PLEKHA5: variants seen among roughly 807,000 people sequenced by gnomAD.
PLEKHA5 encodes the protein pleckstrin homology domain-containing family A member 5.
Under a neutral mutation model 181.9 loss-of-function variants are expected in PLEKHA5, and 55 were observed. The ratio of observed to expected loss-of-function variants is 0.30; its 90% CI spans 0.24 to 0.38. The LOEUF is 0.38. Ranked by LOEUF, PLEKHA5 falls within the 10% of genes least tolerant of loss-of-function variation. PLEKHA5 has a pLI of 1.00. For synonymous variants in PLEKHA5, 535 were observed against 529.4 expected (o/e 1.01, Z -0.15); for missense variants, 1,432 against 1,549.5 (o/e 0.92, Z 1.27).
chr12:19,290,497 C>G (rs1368261057), intron 13 of PLEKHA5, among the ~76,000 whole-genome samples, 180 bp from the exon 14 acceptor site: 2 of 151,982 alleles, frequency 1.3e-5, no homozygotes, highest in Non-Finnish European at 2.9e-5. Context: ...AACACTGTTC[C>G]TTCTATTTCT....
intron 3 of PLEKHA5, among the ~76,000 whole-genome samples, chr12:19,159,604 C>T (rs1405191953): frequency 6.6e-6 from 1 of 151,888 alleles, no homozygotes; most frequent in Non-Finnish European, 1.5e-5. Flanking sequence ...TCACTTAGTT[C>T]CAAAATAATA....
intron 3 of PLEKHA5, among the ~76,000 whole-genome samples, chr12:19,176,875 T>C (rs1296624573): frequency 6.6e-6 from 1 of 152,110 alleles, no homozygotes; most frequent in Admixed American, 6.5e-5. Flanking sequence ...TTTATCTTTT[T>C]TTCTTTTGAG....
At position 19,204,333 on chromosome 12, in the gene PLEKHA5, A is replaced by G. The variant is rs116602400; in HGVS notation, c.228-49607A>G. Among the ~76,000 whole-genome samples the G allele has an allele frequency of 3.7e-3, 566 of 152,218 alleles. 4 individuals are homozygous for G. Among genetic ancestry groups the G allele is most frequent in the East Asian group, 0.026 (137 of 5,182 alleles). On this transcript the variant is annotated intron_variant, in intron 3 of 31. Transcript: ENST00000429027. The stretch of plus-strand genomic sequence containing the variant: ...GAGCTTGGTGCATGTCAAGTGTTCA[A>G]ACACTTCCTATTTTTGCTCATCTAC...
chr12:19,180,553 GTTA>G (rs1355300572), intron 3 of PLEKHA5, among the ~76,000 whole-genome samples: 5 of 152,158 alleles, frequency 3.3e-5, no homozygotes, highest in African/African-American at 1.2e-4. Flanking sequence ...AAGGCACCTT[GTTA>G]TTATTTTTGA....
intron 25 of PLEKHA5, among the ~76,000 whole-genome samples, chr12:19,351,450 A>C (rs956297175): frequency 6.6e-6 from 1 of 152,178 alleles, no homozygotes; most frequent in African/African-American, 2.4e-5. Context: ...CATATAAATG[A>C]GGAGGAAGTT....
chr12:19,302,066 T>G (rs544097163), intron 15 of PLEKHA5, among the ~76,000 whole-genome samples: 12 of 152,218 alleles, frequency 7.9e-5, no homozygotes, highest in Non-Finnish European at 1.6e-4. Context: ...CTTATTGATG[T>G]AGACACAGAA....
chr12:19,246,664 A>G (rs895261683), intron 3 of PLEKHA5, among the ~76,000 whole-genome samples: 33 of 151,134 alleles, frequency 2.2e-4, no homozygotes, highest in Non-Finnish European at 4.1e-4. Context: ...ATTCATTTCT[A>G]TAAAAATCAA....
chr12:19,239,025 T>G (rs917505476), intron 3 of PLEKHA5, among the ~76,000 whole-genome samples: 2 of 152,158 alleles, frequency 1.3e-5, no homozygotes, highest in African/African-American at 4.8e-5. Flanking sequence ...CCTAGTAAAC[T>G]CAGATGGAAT....
At chr12:19,244,695 C>G (rs1025298154) in intron 3 of PLEKHA5, among the ~76,000 whole-genome samples, 1 of 152,136 alleles carries the variant, frequency 6.6e-6, no homozygotes, top group Non-Finnish European at 1.5e-5. Context: ...TAGTAAGAAA[C>G]AACTGAAATC....
At chr12:19,324,514 C>G (rs2091646266) in intron 20 of PLEKHA5, among the ~76,000 whole-genome samples, 2 of 152,114 alleles carry the variant, frequency 1.3e-5, no homozygotes, top group South Asian at 4.1e-4. Context: ...ATACCTAAAA[C>G]TCAAATCCAG....
rs1311419884 is a variant in PLEKHA5, at chr12:19,374,430, C to T, written c.*12-1101C>T. ...ATCCCAACACTTTGTGAGGCCGAGGCGGGCGGAACACAAGGTCAGGAGATC... is the reference window on the plus strand; with the variant it reads ...ATCCCAACACTTTGTGAGGCCGAGGTGGGCGGAACACAAGGTCAGGAGATC... On this transcript the variant is annotated intron_variant, in intron 31 of 31. Transcript: ENST00000429027. Among the ~76,000 whole-genome samples the T allele has an allele frequency of 5.9e-5, 9 of 151,994 alleles. No homozygotes were observed. In the East Asian group the frequency reaches 7.7e-4, roughly 13 times the overall value.
chr12:19,179,390 C>T (rs951578388), intron 3 of PLEKHA5, among the ~76,000 whole-genome samples: 1 of 152,206 alleles, frequency 6.6e-6, no homozygotes, highest in Non-Finnish European at 1.5e-5. Flanking sequence ...GGCGTGGTGG[C>T]TCACACCTGT....
chr12:19,343,483 C>A, intron 22 of PLEKHA5, 49 bp downstream of exon 22: 2 of 1,030,216 alleles, frequency 1.9e-6, no homozygotes, highest in South Asian at 1.3e-5. Context: ...GTATTACAGT[C>A]ATGTGTCGCT....
intron 8 of PLEKHA5, 60 bp downstream of exon 8, chr12:19,265,910 A>G: frequency 1.2e-6 from 1 of 832,110 alleles, no homozygotes; most frequent in Non-Finnish European, 2.0e-6. Context: ...TAAAATGGAT[A>G]TTGAGCCATA....
chr12:19,323,016 A>ATTTTTTTTTTT (rs538132540), intron 20 of PLEKHA5, among the ~76,000 whole-genome samples: 1 of 92,764 alleles, frequency 1.1e-5, no homozygotes, highest in African/African-American at 4.3e-5. Flanking sequence ...ACCTGGCTAG[A>ATTTTTTTTTTT]TTTTTTTTTT....
chr12:19,239,513 A>G (rs2152438276), intron 3 of PLEKHA5, among the ~76,000 whole-genome samples: 1 of 152,286 alleles, frequency 6.6e-6, no homozygotes, highest in South Asian at 2.1e-4. Flanking sequence ...ACTAAACTGA[A>G]CCTAAATTAG....
intron 8 of PLEKHA5, among the ~76,000 whole-genome samples, chr12:19,269,517 T>A (rs2071863450): frequency 6.6e-6 from 1 of 151,752 alleles, no homozygotes; most frequent in South Asian, 2.1e-4. Flanking sequence ...TCTTTTTTTT[T>A]TTTATTTTTA....
intron 3 of PLEKHA5, among the ~76,000 whole-genome samples, chr12:19,179,428 A>G (rs527636519): frequency 2.6e-5 from 4 of 152,292 alleles, no homozygotes; most frequent in Non-Finnish European, 5.9e-5. Context: ...AGGCTGAGGC[A>G]GGCAGATCAC....
At chr12:19,157,565 T>C (rs2042040631) in intron 3 of PLEKHA5, among the ~76,000 whole-genome samples, 1 of 152,194 alleles carries the variant, frequency 6.6e-6, no homozygotes, top group Admixed American at 6.5e-5. Context: ...TGTATTATCT[T>C]CTGTTTATGG....
Sources: gnomAD v4.1 joint callset for allele counts (sites outside exome capture counted in the v4.1 genomes callset) on GRCh38, gnomAD v4.1.1 for gene constraint, MANE v1.5 for transcripts, NCBI Gene and HGNC (gene_info 2026-07-23, HGNC 2026-07-21) for gene names.